Variants in ZC3H14 observed in about 807,000 individuals in gnomAD.
The protein encoded by ZC3H14 is zinc finger CCCH-type containing 14.
ZC3H14 carries 31 observed loss-of-function variants against 92.4 expected under a neutral mutation model. That is an observed-to-expected ratio of 0.34 (90% CI 0.25 to 0.45). The LOEUF (loss-of-function observed/expected upper bound fraction) is 0.45. ZC3H14 is among the 20% of genes least tolerant of loss of function. The pLI is 1.00. For missense variants in ZC3H14, 781 were observed against 897.3 expected (o/e 0.87, Z 1.66); for synonymous variants, 321 against 300.9 (o/e 1.07, Z -0.69).
intron 3 of ZC3H14, among the ~76,000 whole-genome samples, chr14:88,569,832 C>T (rs143441175): frequency 2.8e-4 from 42 of 152,258 alleles, no homozygotes; most frequent in African/African-American, 9.1e-4. Flanking sequence ...TTATACATTG[C>T]ACAAATTTGA....
chr14:88,563,143 G>A lies in ZC3H14; in HGVS notation c.10G>A (p.Gly4Ser). Residue 4 changes from glycine (G) to serine (S), a missense_variant, in exon 1 of 17, where the codon GGC (glycine) becomes AGC (serine). Gly to Ser is a moderately conservative substitution (Grantham distance 56). Coordinates refer to ENST00000251038, the MANE Select transcript of ZC3H14 (RefSeq NM_024824.5). MEI[G>S]TEISRKIRSA... ...CGCACGCCGCAGAGCCATGGAGATC[G>A]GCACCGAGATCAGCCGCAAGATCCG... 6.2e-7 allele frequency: 1 copy of A among 1,600,646 alleles called. No homozygotes were observed. Among genetic ancestry groups the A allele is most frequent in the East Asian group, 2.3e-5 (1 of 44,340 alleles).
rs113096844 is a variant in ZC3H14 at position 88,575,543 on chromosome 14, T to C, written c.1023-297T>C. Among the ~76,000 whole-genome samples, 175 of 152,036 alleles carry C rather than the reference T, an allele frequency of 1.2e-3. 1 individual carries two copies. Among genetic ancestry groups the C allele is most frequent in the African/African-American group, 3.6e-3 (151 of 41,464 alleles). On this transcript the variant is annotated intron_variant, in intron 7 of 16. Coordinates refer to ENST00000251038, the MANE Select transcript of ZC3H14 (RefSeq NM_024824.5). ...CTTTGTCTCTTAAAAAAAATTAAAA[T>C]AAATTAGTTGGTCATTGTGGCAGGC...
In ZC3H14 at chr14:88,609,539, A is replaced by AAT. The variant is rs1253052624; in HGVS notation, c.2005+137_2005+138insTA. 6 of 1,428,634 alleles carry AAT rather than the reference A, an allele frequency of 4.2e-6. No individual in the cohort carries two copies. The Admixed American group carries it at 8.9e-5, about 21-fold the overall frequency. The allele number at this position is 1,428,634 out of a possible 1,614,324, so 88.5% of individuals were successfully genotyped here. On this transcript the variant is annotated intron_variant, in intron 14 of 16. Coordinates refer to ENST00000251038, the MANE Select transcript of ZC3H14 (RefSeq NM_024824.5). ...GATCAGTTAATCCAACCAGTCTTTA[A>AAT]AGAGCAAGTGTGCCTATCTGTAGTA...
chr14:88,566,959 G>C (rs938100189), intron 2 of ZC3H14, among the ~76,000 whole-genome samples: 2 of 151,268 alleles, frequency 1.3e-5, no homozygotes, highest in Non-Finnish European at 2.9e-5. Context: ...ATGGAGTTTT[G>C]AGGGTCAGAG....
chr14:88,564,250 C>T (rs1253961918), intron 2 of ZC3H14, among the ~76,000 whole-genome samples: 1 of 152,020 alleles, frequency 6.6e-6, no homozygotes, highest in Non-Finnish European at 1.5e-5. Context: ...TTATGTTTTC[C>T]CTCTCTCTCT....
rs759938040 is a variant in ZC3H14 at position 88,609,383 on chromosome 14, C to T, written c.1985C>T (p.Pro662Leu). ...TTCACTCATGTGAGTAGAAGAATTC[C>T]AGTACTGTCTCCAAAACCAGGTGAG... is the stretch of plus-strand genomic sequence containing the variant. ...CPFTHVSRRI[P>L]VLSPKPAVAP... Residue 662 changes from proline (P) to leucine (L), a missense_variant, in exon 14 of 17, where the codon CCA becomes CTA. This residue lies in a region of ZC3H14 where 221 missense variants were observed against 304.7 expected (regional missense o/e 0.73). Coordinates refer to ENST00000251038, the MANE Select transcript of ZC3H14 (RefSeq NM_024824.5). The T allele has an allele frequency of 6.2e-7, 1 of 1,613,956 alleles. No homozygotes were observed. Among genetic ancestry groups the T allele is most frequent in the Non-Finnish European group, 8.5e-7 (1 of 1,179,954 alleles).
intron 10 of ZC3H14, among the ~76,000 whole-genome samples, chr14:88,597,613 C>G (rs1405535788): frequency 6.6e-6 from 1 of 152,186 alleles, no homozygotes; most frequent in Non-Finnish European, 1.5e-5. Flanking sequence ...AGGCCAGATC[C>G]CACTGGGTTG....
chr14:88,563,322 T>G, intron 1 of ZC3H14, 153 bp downstream of exon 1: 1 of 1,512,746 alleles, frequency 6.6e-7, no homozygotes, highest in South Asian at 1.3e-5. Context: ...CCAGGCCGCC[T>G]CGGCCCTGGG....
intron 8 of ZC3H14, among the ~76,000 whole-genome samples, chr14:88,577,483 A>G (rs898118244): frequency 3.3e-5 from 5 of 152,220 alleles, no homozygotes; most frequent in African/African-American, 9.6e-5. Context: ...TTGGATAAAT[A>G]GGTTCAGGTA....
Position 88,620,000 on chromosome 14 carries a change from T to C in ZC3H14, c.*8249T>C, listed in dbSNP as rs1053425388. The stretch of plus-strand genomic sequence containing the variant: ...ATTTAAAAGACAAAGTGAAATGCTA[T>C]TTGCCTAGCAATCTTTGGAGTCATA... On this transcript the variant is annotated 3_prime_UTR_variant, in exon 17 of 17. Coordinates refer to ENST00000251038, the MANE Select transcript of ZC3H14 (RefSeq NM_024824.5). 1.3e-5 allele frequency: 2 copies of C among 152,244 alleles called. No individual in the cohort carries two copies. The highest frequency in any genetic ancestry group is 4.8e-5 in the African/African-American group (2 of 41,474). 9.4% of individuals were successfully genotyped at this position (152,244 alleles called of 1,614,324 possible). A position where few individuals can be genotyped will look rare whatever the true frequency, so the allele number is the denominator to read the frequency against.
rs1338335315 is a variant in ZC3H14 at position 88,577,978 on chromosome 14, G to A, written c.1124-7G>A. The A allele has an allele frequency of 5.0e-6, 8 of 1,613,762 alleles. No homozygotes were observed. Among genetic ancestry groups the A allele is most frequent in the Non-Finnish European group, 5.9e-6 (7 of 1,179,908 alleles). On this transcript the variant is annotated splice_polypyrimidine_tract_variant and splice_region_variant and intron_variant, in intron 8 of 16. Transcript: ENST00000251038. ...GTATTTCTATCTTTTTTGCTTTTAT[G>A]TGAAAGTTCCACAGAAACAGACACT...
At chr14:88,608,448 T>C (rs2085978866) in intron 13 of ZC3H14, 1 of 317,230 alleles carries the variant, frequency 3.2e-6, no homozygotes, top group African/African-American at 2.2e-5. Context: ...TGGACAAGTT[T>C]TTAGTTTTAT....
Position 88,615,920 on chromosome 14 carries a change from T to C in ZC3H14, c.*4169T>C, listed in dbSNP as rs2087536730. 6.5e-7 allele frequency: 1 copy of C among 1,541,028 alleles called. No individual in the cohort carries two copies. The highest frequency in any genetic ancestry group is 1.9e-5 in the Admixed American group (1 of 51,468). ...TTTAGATTTTCATAACAGTTTAATA[T>C]TTTTCAGTTGTGCTTTCAGGTTACA... is the stretch of plus-strand genomic sequence containing the variant. On this transcript the variant is annotated 3_prime_UTR_variant, in exon 17 of 17. Transcript: ENST00000251038.
At position 88,620,670 on chromosome 14, in the gene ZC3H14, T is replaced by C. The variant is rs2088731773; in HGVS notation, c.*8919T>C. On this transcript the variant is annotated 3_prime_UTR_variant, in exon 17 of 17. Transcript: ENST00000251038. This position sits in a 1 kb window ranked among gnomAD's most constrained non-coding sequence, Gnocchi z 4.3. ...ATGCTACAGGCCCTGGGGACCTCTTTTTGAAGGCAAGGCTATGGAAAATTT... is the reference window on the plus strand; with the variant it reads ...ATGCTACAGGCCCTGGGGACCTCTTCTTGAAGGCAAGGCTATGGAAAATTT... 8.0e-7 allele frequency: 1 copy of C among 1,255,278 alleles called. No homozygotes were observed. The highest frequency in any genetic ancestry group is 2.1e-5 in the South Asian group (1 of 47,676). 77.8% of individuals were successfully genotyped at this position (1,255,278 alleles called of 1,614,324 possible).
intron 6 of ZC3H14, among the ~76,000 whole-genome samples, chr14:88,573,385 A>C (rs111761984): frequency 0.056 from 8,571 of 152,190 alleles, 288 homozygotes; most frequent in Middle Eastern, 0.089. Context: ...GTCTCAACCA[A>C]AAAAGAAAAA....
rs2087601303 is a variant in ZC3H14, at chr14:88,616,297, G to T, written c.*4546G>T. ...CATTTGGTGCACACAGAAGTCAAAG[G>T]CTCTTATTAGGAACTATAATCTCTA... On this transcript the variant is annotated 3_prime_UTR_variant, in exon 17 of 17. Coordinates refer to ENST00000251038, the MANE Select transcript of ZC3H14 (RefSeq NM_024824.5). 1.3e-6 allele frequency: 2 copies of T among 1,506,836 alleles called. No homozygotes were observed. The highest frequency in any genetic ancestry group is 1.8e-6 in the Non-Finnish European group (2 of 1,083,224). 93.3% of individuals were successfully genotyped at this position (1,506,836 alleles called of 1,614,324 possible).
At chr14:88,608,418 ATTTTGT>A (rs1254608701) in intron 13 of ZC3H14, 6 of 339,012 alleles carry the variant, frequency 1.8e-5, no homozygotes, top group Non-Finnish European at 3.5e-5. Context: ...CTTACACCTT[ATTTTGT>A]TTTTGTTTTT....
At chr14:88,597,246 A>G (rs2040421857) in intron 10 of ZC3H14, among the ~76,000 whole-genome samples, 1 of 152,172 alleles carries the variant, frequency 6.6e-6, no homozygotes, top group African/African-American at 2.4e-5. Flanking sequence ...CTAGTGTTCT[A>G]GAGCCACTCT....
rs1233963210 is a variant in ZC3H14 at position 88,615,470 on chromosome 14, C to T, written c.*3719C>T. 1 of 218,474 alleles carries T rather than the reference C, an allele frequency of 4.6e-6. No homozygotes were observed. The highest frequency in any genetic ancestry group is 9.5e-5 in the East Asian group (1 of 10,530). The allele number at this position is 218,474 out of a possible 1,614,324, so 13.5% of individuals were successfully genotyped here. ...TGCTAAAAAGATAATGAAAATTATC[C>T]AAATTGGGTTTTTGAGTTCTTCTGT... On this transcript the variant is annotated 3_prime_UTR_variant, in exon 17 of 17. Coordinates refer to ENST00000251038, the MANE Select transcript of ZC3H14 (RefSeq NM_024824.5).
Sources: gnomAD v4.1 joint callset for allele counts (sites outside exome capture counted in the v4.1 genomes callset) on GRCh38, gnomAD v4.1.1 for gene constraint, gnomAD v4.1.1 regional missense constraint, Gnocchi (gnomAD v3.1) non-coding constraint, MANE v1.5 for transcripts, NCBI Gene and HGNC (gene_info 2026-07-23, HGNC 2026-07-21) for gene names.